CSMD1: variants seen among roughly 807,000 people sequenced by gnomAD.
CSMD1 encodes CUB and sushi domain-containing protein 1.
A neutral mutation model predicts 417.5 loss-of-function variants in CSMD1; 213 were observed. That is an observed-to-expected ratio of 0.51 (90% CI 0.46 to 0.57). CSMD1 has a LOEUF of 0.57. Ranked by LOEUF, CSMD1 falls within the 20% of genes least tolerant of loss-of-function variation. CSMD1 has a pLI of 0.00. For missense variants in CSMD1, 6,923 were observed against 4,529.7 expected, an observed-to-expected ratio of 1.53 and a Z score of -15.17; for synonymous variants, 2,862 against 1,736.8, an observed-to-expected ratio of 1.65 and a Z score of -16.11.
At chr8:4,353,295 T>C (rs930779141) in intron 3 of CSMD1, among the ~76,000 whole-genome samples, 8 of 152,066 alleles carry the variant, frequency 5.3e-5, no homozygotes, top group African/African-American at 1.9e-4. Context: ...AAGGGGAGTT[T>C]CCTTCACAAG....
At chr8:3,834,711 G>A (rs376149559) in intron 5 of CSMD1, among the ~76,000 whole-genome samples, 44 of 152,180 alleles carry the variant, frequency 2.9e-4, no homozygotes, top group African/African-American at 1.0e-3. Context: ...GTCTTGGGCA[G>A]ATTAGAAATT....
intron 2 of CSMD1, among the ~76,000 whole-genome samples, chr8:4,620,323 A>T (rs1325918070): frequency 6.6e-6 from 1 of 151,584 alleles, no homozygotes; most frequent in Non-Finnish European, 1.5e-5. Context: ...TTACACACAC[A>T]TATATATGTA....
chr8:4,140,747 T>C (rs1461725621), intron 3 of CSMD1, among the ~76,000 whole-genome samples: 2 of 150,926 alleles, frequency 1.3e-5, no homozygotes, highest in Non-Finnish European at 2.9e-5. Flanking sequence ...ACTCTAAGTA[T>C]CTTCATCTCC....
chr8:4,660,740 A>G (rs553388047), intron 1 of CSMD1, among the ~76,000 whole-genome samples: 92 of 152,216 alleles, frequency 6.0e-4, no homozygotes, highest in African/African-American at 2.2e-3. Flanking sequence ...CAAAGGACTA[A>G]CATCTCTAAT....
intron 10 of CSMD1, among the ~76,000 whole-genome samples, chr8:3,508,284 T>C (rs1030034808): frequency 6.8e-6 from 1 of 147,314 alleles, no homozygotes; most frequent in African/African-American, 2.5e-5. Flanking sequence ...CTGGCTCACC[T>C]GCGCCCCCTC....
At chr8:3,973,805 G>A (rs969226063) in intron 5 of CSMD1, among the ~76,000 whole-genome samples, 3 of 152,144 alleles carry the variant, frequency 2.0e-5, no homozygotes, top group Non-Finnish European at 2.9e-5. Context: ...TCAGAAACCA[G>A]CCCTGGCCTT....
chr8:4,419,908 C>A lies in CSMD1; in HGVS notation c.415+45G>T. ...TAATCCAGTGTAGCATGTATTAGAT[C>A]ATTTGGACAGTGAATGCATGTGCAA... On this transcript the variant is annotated intron_variant, in intron 3 of 69. Coordinates refer to ENST00000635120, the MANE Select transcript of CSMD1 (RefSeq NM_033225.6). 3 of 1,237,586 alleles carry A rather than the reference C, an allele frequency of 2.4e-6. No homozygotes were observed. The South Asian group carries it at 3.9e-5, about 16-fold the overall frequency. The allele number at this position is 1,237,586 out of a possible 1,614,324, so 76.7% of individuals were successfully genotyped here. A position where few individuals can be genotyped will look rare whatever the true frequency, so the allele number is the denominator to read the frequency against.
intron 21 of CSMD1, among the ~76,000 whole-genome samples, chr8:3,357,870 TG>T (rs1227819655): frequency 4.6e-5 from 7 of 152,194 alleles, no homozygotes; most frequent in African/African-American, 1.7e-4. Context: ...AAGCAGATTG[TG>T]AAAATATATA....
chr8:4,172,655 A>G (rs1797831494), intron 3 of CSMD1, among the ~76,000 whole-genome samples: 1 of 152,188 alleles, frequency 6.6e-6, no homozygotes, highest in African/African-American at 2.4e-5. Flanking sequence ...GTCCTCCCTT[A>G]AATATGGGCT....
intron 5 of CSMD1, among the ~76,000 whole-genome samples, chr8:3,839,638 G>A (rs1197628367): frequency 1.4e-5 from 2 of 139,614 alleles, no homozygotes; most frequent in African/African-American, 2.7e-5. Context: ...GGCAACAAGA[G>A]TGACACTTCA....
intron 25 of CSMD1, among the ~76,000 whole-genome samples, chr8:3,298,683 A>C (rs767408507): frequency 2.0e-5 from 3 of 152,140 alleles, no homozygotes; most frequent in Non-Finnish European, 2.9e-5. Flanking sequence ...TGAACTCCTG[A>C]TCTCAGGTAA....
At chr8:4,455,672 T>A (rs1329625723) in intron 2 of CSMD1, among the ~76,000 whole-genome samples, 1 of 151,914 alleles carries the variant, frequency 6.6e-6, no homozygotes, top group Non-Finnish European at 1.5e-5. Flanking sequence ...GGCTCACCCC[T>A]GTAATCTCAG....
intron 2 of CSMD1, among the ~76,000 whole-genome samples, chr8:4,420,906 C>T (rs182317577): frequency 6.6e-6 from 1 of 152,252 alleles, no homozygotes; most frequent in East Asian, 1.9e-4. Flanking sequence ...CCTAGGAGCC[C>T]TCCTCCCTCC....
chr8:4,461,745 T>TTA (rs1554487171), intron 2 of CSMD1, among the ~76,000 whole-genome samples: 2 of 132,050 alleles, frequency 1.5e-5, no homozygotes, highest in African/African-American at 6.0e-5. Flanking sequence ...TTACTTATTT[T>TTA]TTTTTTTTTT....
intron 6 of CSMD1, among the ~76,000 whole-genome samples, chr8:3,740,910 C>A (rs1054758385): frequency 2.0e-5 from 3 of 152,066 alleles, no homozygotes; most frequent in African/African-American, 7.2e-5. Flanking sequence ...TGGGAGGAAA[C>A]TGGGATCAGA....
At chr8:3,925,169 G>A (rs991717412) in intron 5 of CSMD1, among the ~76,000 whole-genome samples, 4 of 152,140 alleles carry the variant, frequency 2.6e-5, no homozygotes, top group African/African-American at 7.2e-5. Flanking sequence ...CTGACCCATA[G>A]AAATTATGAG....
chr8:3,773,568 T>C (rs547820971), intron 5 of CSMD1, among the ~76,000 whole-genome samples: 1 of 152,184 alleles, frequency 6.6e-6, no homozygotes, highest in Non-Finnish European at 1.5e-5. Context: ...ATTACAGGCA[T>C]GAGCCACCAC....
chr8:4,428,490 A>C (rs890212026), intron 2 of CSMD1, among the ~76,000 whole-genome samples: 3 of 152,204 alleles, frequency 2.0e-5, no homozygotes, highest in South Asian at 2.1e-4. Flanking sequence ...CATGCCTGGC[A>C]TATGTGTATC....
chr8:4,036,985 G>C (rs868622088), intron 3 of CSMD1, among the ~76,000 whole-genome samples: 115 of 151,886 alleles, frequency 7.6e-4, no homozygotes, highest in South Asian at 4.8e-3. Context: ...GTGTGTGTGT[G>C]TGTGTGTGTG....
Sources: gnomAD v4.1 joint callset for allele counts (sites outside exome capture counted in the v4.1 genomes callset) on GRCh38, gnomAD v4.1.1 for gene constraint, MANE v1.5 for transcripts, NCBI Gene and HGNC (gene_info 2026-07-23, HGNC 2026-07-21) for gene names.